HORMAD1: variants seen among roughly 807,000 people sequenced by gnomAD.
The protein encoded by HORMAD1 is HORMA domain-containing protein 1.
In HORMAD1, 33 loss-of-function variants were observed where a neutral mutation model predicts 58.2. The observed-to-expected ratio is 0.57, with a 90% CI of 0.43 to 0.76. HORMAD1 has a LOEUF of 0.76. Ranked by LOEUF, HORMAD1 falls within the 30% of genes least tolerant of loss-of-function variation. The pLI is 0.00. For missense variants in HORMAD1, 363 were observed against 462.0 expected (o/e 0.79, Z 1.96); for synonymous variants, 137 against 144.6 (o/e 0.95, Z 0.38).
Position 150,717,164 on chromosome 1 carries a change from C to T in HORMAD1, c.152G>A (p.Cys51Tyr). The change falls in exon 3 of 15, where the codon TGC becomes TAC. Residue 51 changes from cysteine to tyrosine, a missense_variant. By Grantham distance (194) the Cys-to-Tyr change is radical. Around this residue, in one of 3 missense-constraint regions of HORMAD1, gnomAD observed 128 missense variants for 171.8 expected, o/e 0.74. Transcript: ENST00000361824. ...ATCTAGATATCTTGTTCCATAAGCG[C>T]ATTCTGGGAATATTCCCCTCAAATA... ...ITYLRGIFPECAYGTRYLDDL... is the reference protein window; with the variant it reads ...ITYLRGIFPEYAYGTRYLDDL... The T allele has an allele frequency of 1.3e-6, 2 of 1,579,794 alleles. No individual in the cohort carries two copies. Among genetic ancestry groups the T allele is most frequent in the Non-Finnish European group, 1.7e-6 (2 of 1,159,858 alleles).
intron 3 of HORMAD1, among the ~76,000 whole-genome samples, chr1:150,715,319 T>C (rs1177023041): frequency 6.6e-6 from 1 of 152,060 alleles, no homozygotes; most frequent in Non-Finnish European, 1.5e-5. Flanking sequence ...AAAATACTTG[T>C]AAAGGCCAAG....
intron 1 of HORMAD1, among the ~76,000 whole-genome samples, chr1:150,719,982 C>T (rs1011076211): frequency 5.3e-5 from 8 of 152,234 alleles, no homozygotes; most frequent in Non-Finnish European, 1.0e-4. Flanking sequence ...GGCGCGATCT[C>T]AGCTCACTGC....
chr1:150,705,701 CA>C lies in HORMAD1; in HGVS notation c.804+851del, dbSNP rs778288743. On this transcript the variant is annotated intron_variant, in intron 10 of 14. Coordinates refer to ENST00000361824, the MANE Select transcript of HORMAD1 (RefSeq NM_032132.5). ...TAAAGAATGCTACAAACACCTCAGC[CA>C]TATTTGTTATAAAGCAAGACTGGGA... is the stretch of plus-strand genomic sequence containing the variant. 6.4e-4 allele frequency among the ~76,000 whole-genome samples: 98 copies of C among 152,168 alleles called. 1 individual carries two copies. Among genetic ancestry groups the C allele is most frequent in the Admixed American group, 1.6e-3 (25 of 15,280 alleles).
chr1:150,702,161 A>G (rs1651555148), intron 13 of HORMAD1, among the ~76,000 whole-genome samples: 1 of 152,212 alleles, frequency 6.6e-6, no homozygotes, highest in African/African-American at 2.4e-5. Context: ...TGGCCAACAA[A>G]CATATGAAAA....
intron 3 of HORMAD1, among the ~76,000 whole-genome samples, chr1:150,716,033 G>A (rs587716526): frequency 6.6e-6 from 1 of 151,624 alleles, no homozygotes; most frequent in South Asian, 2.1e-4. Flanking sequence ...AATAAAATGT[G>A]GTACAGCCAT....
Position 150,708,198 on chromosome 1 carries a change from G to A in HORMAD1, c.547+58C>T, listed in dbSNP as rs374004067. 23 of 1,315,040 alleles carry A rather than the reference G, an allele frequency of 1.7e-5. No homozygotes were observed. The East Asian group carries it at 1.8e-4, about 10-fold the overall frequency. The allele number at this position is 1,315,040 out of a possible 1,614,324, so 81.5% of individuals were successfully genotyped here. On this transcript the variant is annotated intron_variant, in intron 9 of 14. Transcript: ENST00000361824. ...AAAATATTTGGAATGGAAACCAATT[G>A]TTTCAATAATGATAAAACATATGTA...
chr1:150,717,676 T>C (rs918719532), intron 2 of HORMAD1, among the ~76,000 whole-genome samples: 3 of 152,174 alleles, frequency 2.0e-5, no homozygotes, highest in African/African-American at 7.2e-5. Flanking sequence ...CTCACGCCTG[T>C]AATCCCAGCA....
intron 7 of HORMAD1, among the ~76,000 whole-genome samples, chr1:150,709,227 T>C (rs1486078417): frequency 6.6e-6 from 1 of 152,160 alleles, no homozygotes; most frequent in Non-Finnish European, 1.5e-5. Flanking sequence ...ACTGTGTCTA[T>C]GTAGAAAGGG....
chr1:150,708,429 A>G, intron 8 of HORMAD1, 22 bp from the exon 9 acceptor site: 1 of 1,508,412 alleles, frequency 6.6e-7, no homozygotes, highest in Admixed American at 2.1e-5. Flanking sequence ...TCACATATTA[A>G]TTTATTTTAT....
intron 14 of HORMAD1, chr1:150,698,971 G>A (rs1272306180): frequency 9.3e-6 from 3 of 321,958 alleles, no homozygotes; most frequent in South Asian, 9.7e-5. Flanking sequence ...GGCTGCTCTA[G>A]AAGTGAGAAG....
At chr1:150,714,043 T>C in intron 5 of HORMAD1, 42 bp downstream of exon 5, 1 of 1,245,246 alleles carries the variant, frequency 8.0e-7, no homozygotes, top group South Asian at 1.3e-5. Flanking sequence ...TTGTAGATCA[T>C]AAACTGTAGA....
intron 4 of HORMAD1, 140 bp from the exon 5 acceptor site, chr1:150,714,261 A>G: frequency 5.5e-6 from 3 of 541,058 alleles, no homozygotes; most frequent in Non-Finnish European, 9.9e-6. Context: ...ACTAGCTTAA[A>G]ACAAGACAAA....
intron 7 of HORMAD1, among the ~76,000 whole-genome samples, chr1:150,709,789 C>T (rs772103499): frequency 1.5e-4 from 23 of 152,174 alleles, no homozygotes; most frequent in Admixed American, 1.4e-3. Flanking sequence ...GGACAAAAAC[C>T]GCCCTATGGT....
At chr1:150,720,181 C>T (rs1011127063) in intron 1 of HORMAD1, among the ~76,000 whole-genome samples, 7 of 152,100 alleles carry the variant, frequency 4.6e-5, no homozygotes, top group African/African-American at 1.7e-4. Context: ...TCAAGTGATT[C>T]TCCTGCCTGA....
intron 1 of HORMAD1, among the ~76,000 whole-genome samples, chr1:150,720,076 ATACAAT>A (rs1652202725): frequency 1.4e-5 from 1 of 73,684 alleles, no homozygotes. Context: ...ATATATATAT[ATACAAT>A]TTTTTTTTTC....
chr1:150,719,735 C>G (rs953541633), intron 1 of HORMAD1, among the ~76,000 whole-genome samples, 197 bp from the exon 2 acceptor site: 2 of 152,166 alleles, frequency 1.3e-5, no homozygotes. Context: ...AGCCATTTGA[C>G]TAGCAAGTCT....
intron 14 of HORMAD1, among the ~76,000 whole-genome samples, chr1:150,699,277 C>G (rs1651461725): frequency 6.6e-6 from 1 of 152,032 alleles, no homozygotes; most frequent in Non-Finnish European, 1.5e-5. Context: ...AAATAAGGTT[C>G]TAAATATGAA....
chr1:150,699,994 T>G (rs1651489475), intron 14 of HORMAD1, 118 bp downstream of exon 14: 1 of 511,362 alleles, frequency 2.0e-6, no homozygotes, highest in Admixed American at 3.8e-5. Context: ...AAAATTTGAA[T>G]ATCAGAACTC....
At chr1:150,707,074 A>C (rs587775136) in intron 9 of HORMAD1, among the ~76,000 whole-genome samples, 53 of 152,316 alleles carry the variant, frequency 3.5e-4, no homozygotes, top group Non-Finnish European at 5.7e-4. Context: ...TGGTGAAAAT[A>C]ATAGTACCTA....
Sources: gnomAD v4.1 joint callset for allele counts (sites outside exome capture counted in the v4.1 genomes callset) on GRCh38, gnomAD v4.1.1 for gene constraint, gnomAD v4.1.1 regional missense constraint, MANE v1.5 for transcripts, NCBI Gene and HGNC (gene_info 2026-07-23, HGNC 2026-07-21) for gene names.